CIRSR: variants seen among roughly 807,000 people sequenced by gnomAD.
The protein encoded by CIRSR is CBF1 (RBPJ) interacting corepressor 1.
At chr2:174,373,310 C>G in the CIRSR span, among the ~76,000 whole-genome samples, 1 of 152,122 alleles carries the variant, frequency 6.6e-6, no homozygotes, top group African/African-American at 2.4e-5. Flanking sequence ...AAGACTGAGA[C>G]AAAGAATTAA....
chr2:174,382,282 G>C, the CIRSR span, among the ~76,000 whole-genome samples: 2 of 152,146 alleles, frequency 1.3e-5, no homozygotes, highest in Non-Finnish European at 2.9e-5. Context: ...AATCCAATCA[G>C]GGCTTGTAAG....
chr2:174,361,121 TG>T, the CIRSR span, among the ~76,000 whole-genome samples: 1 of 152,234 alleles, frequency 6.6e-6, no homozygotes, highest in African/African-American at 2.4e-5. Context: ...AGAGTTGAAA[TG>T]GTGCCTAACT....
the CIRSR span, among the ~76,000 whole-genome samples, chr2:174,354,625 T>A: frequency 1.2e-5 from 1 of 81,072 alleles, no homozygotes; most frequent in African/African-American, 5.0e-5. Context: ...ATTTTATATA[T>A]TATATAATAT....
chr2:174,390,079 T>G, the CIRSR span, among the ~76,000 whole-genome samples: 1 of 152,172 alleles, frequency 6.6e-6, no homozygotes. Flanking sequence ...TACTGCCTAG[T>G]GGAGCTGCGA....
At chr2:174,373,045 T>C in the CIRSR span, among the ~76,000 whole-genome samples, 7 of 152,358 alleles carry the variant, frequency 4.6e-5, no homozygotes, top group Admixed American at 3.3e-4. Context: ...TTCTTACATA[T>C]AGTTTAAGCT....
the CIRSR span, among the ~76,000 whole-genome samples, chr2:174,392,841 T>C: frequency 6.6e-6 from 1 of 152,158 alleles, no homozygotes; most frequent in African/African-American, 2.4e-5. Context: ...AAGATGCAAA[T>C]GTCTAGTAGA....
chr2:174,383,984 T>G, the CIRSR span, among the ~76,000 whole-genome samples: 1 of 152,188 alleles, frequency 6.6e-6, no homozygotes, highest in South Asian at 2.1e-4. Flanking sequence ...CTCAAAACGC[T>G]AAATATAAAC....
At chr2:174,374,572 C>T in the CIRSR span, among the ~76,000 whole-genome samples, 4 of 152,148 alleles carry the variant, frequency 2.6e-5, no homozygotes, top group African/African-American at 9.7e-5. Context: ...AAGAATTAAG[C>T]AAATGCAGGC....
the CIRSR span, among the ~76,000 whole-genome samples, chr2:174,363,896 A>G: frequency 6.6e-6 from 1 of 152,128 alleles, no homozygotes; most frequent in Non-Finnish European, 1.5e-5. Flanking sequence ...AAACCATATC[A>G]TCCCACCCCT....
the CIRSR span, among the ~76,000 whole-genome samples, chr2:174,369,828 C>T: frequency 2.6e-5 from 4 of 152,058 alleles, no homozygotes; most frequent in Admixed American, 6.5e-5. Context: ...AACACAATTA[C>T]GATAGTAATG....
chr2:174,390,261 T>G, the CIRSR span, among the ~76,000 whole-genome samples: 3 of 152,236 alleles, frequency 2.0e-5, no homozygotes, highest in African/African-American at 7.2e-5. Context: ...GCCTACCTCT[T>G]GCATCAGCAC....
chr2:174,380,557 T>A, the CIRSR span: 1 of 1,120,082 alleles, frequency 8.9e-7, no homozygotes, highest in Non-Finnish European at 1.3e-6. Flanking sequence ...ATCAGTTGCC[T>A]CCTCTAATGA....
chr2:174,350,548 T>C, the CIRSR span: 1 of 553,244 alleles, frequency 1.8e-6, no homozygotes, highest in Non-Finnish European at 3.0e-6. Flanking sequence ...AATCAATAAA[T>C]GTGATGCATG....
chr2:174,361,297 G>A, the CIRSR span, among the ~76,000 whole-genome samples: 1 of 152,210 alleles, frequency 6.6e-6, no homozygotes, highest in African/African-American at 2.4e-5. Context: ...GCTATGAGTA[G>A]CTATCCTGGT....
At chr2:174,360,296 G>A in the CIRSR span, among the ~76,000 whole-genome samples, 2 of 152,130 alleles carry the variant, frequency 1.3e-5, no homozygotes, top group Admixed American at 6.5e-5. Context: ...TTGCCTTCAA[G>A]TTTATAATAT....
the CIRSR span, among the ~76,000 whole-genome samples, chr2:174,387,942 A>G: frequency 2.6e-4 from 39 of 152,362 alleles, 1 homozygote; most frequent in Admixed American, 2.5e-3. Flanking sequence ...ACAGTGGAAG[A>G]AGAAGAATTG....
chr2:174,348,096 C>T, the CIRSR span: 2 of 162,232 alleles, frequency 1.2e-5, no homozygotes, highest in Non-Finnish European at 2.7e-5. Flanking sequence ...TCACTTCAAG[C>T]AAATTCAAAT....
At chr2:174,369,520 G>A in the CIRSR span, among the ~76,000 whole-genome samples, 1 of 152,196 alleles carries the variant, frequency 6.6e-6, no homozygotes, top group African/African-American at 2.4e-5. Context: ...GCTAATTGGT[G>A]TAGGAGGCCT....
chr2:174,371,331 C>T, the CIRSR span, among the ~76,000 whole-genome samples: 1 of 152,130 alleles, frequency 6.6e-6, no homozygotes, highest in African/African-American at 2.4e-5. Context: ...ATATATCCCA[C>T]TGTGGATTTA....
Sources: gnomAD v4.1 joint callset for allele counts (sites outside exome capture counted in the v4.1 genomes callset) on GRCh38, gnomAD v4.1.1 for gene constraint, MANE v1.5 for transcripts, NCBI Gene and HGNC (gene_info 2026-07-23, HGNC 2026-07-21) for gene names.